Variants in SRC observed in about 807,000 individuals in gnomAD.
The protein encoded by SRC is SRC proto-oncogene, non-receptor tyrosine kinase, also known as proto-oncogene tyrosine-protein kinase Src.
SRC carries 13 observed loss-of-function variants against 62.9 expected under a neutral mutation model. The ratio of observed to expected loss-of-function variants is 0.21; its 90% CI spans 0.13 to 0.33. SRC has a LOEUF of 0.33. Ranked by LOEUF, SRC falls within the 10% of genes least tolerant of loss-of-function variation. The pLI, the probability that SRC is intolerant of heterozygous loss-of-function variation, is 1.00. For synonymous variants in SRC, 302 were observed against 317.5 expected, an observed-to-expected ratio of 0.95 and a Z score of 0.52; for missense variants, 457 against 737.3, an observed-to-expected ratio of 0.62 and a Z score of 4.40.
At chr20:37,368,255 T>G (rs1009822003) in intron 2 of SRC, among the ~76,000 whole-genome samples, 1 of 151,896 alleles carries the variant, frequency 6.6e-6, no homozygotes, top group African/African-American at 2.4e-5. Context: ...CCGTCTCTAC[T>G]AAAAATACAA....
chr20:37,361,764 AG>A (rs2069974634), intron 1 of SRC, among the ~76,000 whole-genome samples: 2 of 152,140 alleles, frequency 1.3e-5, no homozygotes, highest in Admixed American at 1.3e-4. Context: ...GAGCAGGGGC[AG>A]GGCAGGAGTG....
In SRC at chr20:37,403,374, C is replaced by G; in HGVS notation, c.1606C>G (p.Leu536Val). ...GCCCCAGTACCAGCCCGGGGAGAAC[C>G]TCTAGGCACAGGCGGGCCCAGACCG... ...TEPQYQPGEN[L>V] The change falls in exon 14 of 14, where the codon CTC (leucine) becomes GTC (valine). Residue 536 changes from leucine (L) to valine (V), a missense_variant. Physicochemically the swap from Leu to Val is conservative, Grantham distance 32. Around this residue, in one of 4 missense-constraint regions of SRC, gnomAD observed 168 missense variants for 357.8 expected, o/e 0.47. Coordinates refer to ENST00000373578, the MANE Select transcript of SRC (RefSeq NM_198291.3). The surrounding 1 kb of genome is among the most constrained non-coding windows in gnomAD (Gnocchi z 7.1). 6.2e-7 allele frequency: 1 copy of G among 1,600,042 alleles called. No homozygotes were observed. The highest frequency in any genetic ancestry group is 8.5e-7 in the Non-Finnish European group (1 of 1,174,662).
intron 5 of SRC, among the ~76,000 whole-genome samples, chr20:37,393,229 CT>C (rs1363462234): frequency 6.6e-6 from 1 of 152,240 alleles, no homozygotes; most frequent in African/African-American, 2.4e-5. Context: ...CAGTTTCCCC[CT>C]GCAGATGGGT....
At chr20:37,392,310 C>T (rs902219720) in intron 5 of SRC, among the ~76,000 whole-genome samples, 2 of 152,178 alleles carry the variant, frequency 1.3e-5, no homozygotes, top group Admixed American at 1.3e-4. Flanking sequence ...ACCTGTCCTC[C>T]GACAGGTCCC....
At chr20:37,377,147 A>G (rs1484686080) in intron 2 of SRC, among the ~76,000 whole-genome samples, 1 of 152,236 alleles carries the variant, frequency 6.6e-6, no homozygotes, top group Non-Finnish European at 1.5e-5. Flanking sequence ...TGTGCTTGGC[A>G]TTCAAGGCCC....
Position 37,404,643 on chromosome 20 carries a change from T to C in SRC, c.*1264T>C. On this transcript the variant is annotated 3_prime_UTR_variant, in exon 14 of 14. Transcript: ENST00000373578. ...CTGTGTAACCTTGGGTGGCCCCTGC[T>C]GTCTCTCTGGGCTGCAGAGTCTGCC... The C allele has an allele frequency of 4.3e-6, 1 of 233,780 alleles. No individual in the cohort carries two copies. Among genetic ancestry groups the C allele is most frequent in the Non-Finnish European group, 8.5e-6 (1 of 118,126 alleles). The allele number at this position is 233,780 out of a possible 1,614,324, so 14.5% of individuals were successfully genotyped here.
chr20:37,355,020 C>T (rs980028658), intron 1 of SRC, among the ~76,000 whole-genome samples: 5 of 152,128 alleles, frequency 3.3e-5, no homozygotes, highest in Admixed American at 6.6e-5. Context: ...AGAGGATACA[C>T]GTGAGCACAG....
chr20:37,382,461 G>C (rs1241728512), intron 2 of SRC, 158 bp from the exon 3 acceptor site: 1 of 152,210 alleles, frequency 6.6e-6, no homozygotes, highest in African/African-American at 2.4e-5. Context: ...ACTTTGGGAG[G>C]GTTGAAGGAT....
Position 37,397,141 on chromosome 20 carries a change from C to T in SRC, c.704-558C>T, listed in dbSNP as rs770884349. Among the ~76,000 whole-genome samples, 1 of 152,186 alleles carries T rather than the reference C, an allele frequency of 6.6e-6. No homozygotes were observed. Among genetic ancestry groups the T allele is most frequent in the African/African-American group, 2.4e-5 (1 of 41,452 alleles). ...CCCACCTCCGCCTGGTGCCACCCTTCCCCACCTGCTCCCTGCGCCCCTTTG... is the reference window on the plus strand; with the variant it reads ...CCCACCTCCGCCTGGTGCCACCCTTTCCCACCTGCTCCCTGCGCCCCTTTG... On this transcript the variant is annotated intron_variant, in intron 8 of 13. Transcript: ENST00000373578. The surrounding 1 kb of genome is among the most constrained non-coding windows in gnomAD (Gnocchi z 4.1).
chr20:37,387,944 A>G (rs915596509), intron 5 of SRC, among the ~76,000 whole-genome samples: 2 of 152,238 alleles, frequency 1.3e-5, no homozygotes, highest in African/African-American at 4.8e-5. Context: ...AGGCCCAAAG[A>G]GGTGAAATAA....
rs965513032 is a variant in SRC at position 37,396,672 on chromosome 20, C to G, written c.703+361C>G. 1 of 248,570 alleles carries G rather than the reference C, an allele frequency of 4.0e-6. No homozygotes were observed. Among genetic ancestry groups the G allele is most frequent in the African/African-American group, 2.2e-5 (1 of 44,858 alleles). The allele number at this position is 248,570 out of a possible 1,614,324, so 15.4% of individuals were successfully genotyped here. A position where few individuals can be genotyped will look rare whatever the true frequency, so the allele number is the denominator to read the frequency against. ...GTCATTTGTCTCTGTAGCCCTAGGA[C>G]CGGTCTGAACCGGTTGCTGGGAGAG... On this transcript the variant is annotated intron_variant, in intron 8 of 13. Coordinates refer to ENST00000373578, the MANE Select transcript of SRC (RefSeq NM_198291.3). This position sits in a 1 kb window ranked among gnomAD's most constrained non-coding sequence, Gnocchi z 6.1.
At chr20:37,392,523 TCTC>T in intron 5 of SRC, among the ~76,000 whole-genome samples, 1 of 152,280 alleles carries the variant, frequency 6.6e-6, no homozygotes, top group African/African-American at 2.4e-5. Flanking sequence ...CCGTGTGTCT[TCTC>T]AGGGTCCTGG....
chr20:37,377,437 G>A (rs534671447), intron 2 of SRC, among the ~76,000 whole-genome samples: 162 of 152,320 alleles, frequency 1.1e-3, no homozygotes, highest in African/African-American at 3.8e-3. Flanking sequence ...TCCACCCTTA[G>A]AAGAGGTGAG....
intron 2 of SRC, among the ~76,000 whole-genome samples, chr20:37,379,942 TAAAAAAAAAAAAA>T (rs57772720): frequency 5.8e-5 from 3 of 51,468 alleles, no homozygotes; most frequent in African/African-American, 1.2e-4. Flanking sequence ...GAGCTTGGAG[TAAAAAAAAAAAAA>T]AAAAAAAAAA....
At chr20:37,401,825 AC>A in intron 11 of SRC, 147 bp downstream of exon 11, 2 of 570,748 alleles carry the variant, frequency 3.5e-6, no homozygotes, top group South Asian at 5.1e-5. Flanking sequence ...GCACGTATTT[AC>A]CAGGTCTGCT....
Position 37,362,634 on chromosome 20 carries a change from C to T in SRC, c.-246-2570C>T, listed in dbSNP as rs146891665. Among the ~76,000 whole-genome samples the T allele has an allele frequency of 8.0e-3, 1,219 of 152,174 alleles. 19 individuals are homozygous for T. Among genetic ancestry groups the T allele is most frequent in the African/African-American group, 0.028 (1,150 of 41,542 alleles). On this transcript the variant is annotated intron_variant, in intron 1 of 13. Transcript: ENST00000373578. ...CCAAGGAGAAGGGCCCACGAAAGCT[C>T]CTGGGGGTTGAGGCTGTGACCCCCT...
At chr20:37,373,270 A>ACG (rs1568628310) in intron 2 of SRC, among the ~76,000 whole-genome samples, 2 of 55,850 alleles carry the variant, frequency 3.6e-5, no homozygotes, top group Admixed American at 4.2e-4. Flanking sequence ...GTACATACGC[A>ACG]CACACACACA....
chr20:37,354,485 T>C (rs906884468), intron 1 of SRC, among the ~76,000 whole-genome samples: 1 of 152,162 alleles, frequency 6.6e-6, no homozygotes, highest in Admixed American at 6.5e-5. Context: ...CAGGACTCAA[T>C]TTTCTCATCT....
At chr20:37,401,148 C>T (rs959865769) in intron 10 of SRC, among the ~76,000 whole-genome samples, 2 of 152,060 alleles carry the variant, frequency 1.3e-5, no homozygotes, top group African/African-American at 2.4e-5. Context: ...AGGTGCACAA[C>T]ATCCTGCCCA....
Sources: allele counts gnomAD v4.1 joint callset (sites outside exome capture counted in the v4.1 genomes callset), GRCh38; gene constraint gnomAD v4.1.1; regional missense constraint gnomAD v4.1.1; non-coding constraint Gnocchi (gnomAD v3.1); transcripts MANE v1.5; gene names NCBI Gene and HGNC (gene_info 2026-07-23, HGNC 2026-07-21).